Variants in CCDC192 observed in about 807,000 individuals in gnomAD.
CCDC192 encodes the protein coiled-coil domain containing 192, also known as coiled-coil domain-containing protein 192.
chr5:127,756,225 T>TGG (rs1346451478), intron 3 of CCDC192, among the ~76,000 whole-genome samples: 3 of 152,142 alleles, frequency 2.0e-5, no homozygotes, highest in Non-Finnish European at 4.4e-5. Context: ...GGGTTCACCT[T>TGG]GCCCGCTGCC....
intron 3 of CCDC192, among the ~76,000 whole-genome samples, chr5:127,758,627 T>C (rs1000494485): frequency 6.6e-6 from 1 of 152,166 alleles, no homozygotes; most frequent in Non-Finnish European, 1.5e-5. Flanking sequence ...TACTTTATTG[T>C]ATTTCCCATA....
intron 6 of CCDC192, among the ~76,000 whole-genome samples, chr5:127,883,897 T>TAA (rs1461661597): frequency 1.3e-5 from 2 of 152,138 alleles, no homozygotes; most frequent in Non-Finnish European, 2.9e-5. Flanking sequence ...CTCAGGCTGG[T>TAA]AAGGAGGCTG....
intron 6 of CCDC192, among the ~76,000 whole-genome samples, chr5:127,893,004 G>A (rs1046472058): frequency 6.6e-6 from 1 of 152,138 alleles, no homozygotes; most frequent in Non-Finnish European, 1.5e-5. Context: ...GCCAGGATCG[G>A]AGATATCTGA....
chr5:127,911,729 G>C (rs540252557), intron 6 of CCDC192, among the ~76,000 whole-genome samples: 1 of 147,394 alleles, frequency 6.8e-6, no homozygotes, highest in South Asian at 2.1e-4. Context: ...TTACAGACAG[G>C]GTGGTGTTAC....
intron 6 of CCDC192, among the ~76,000 whole-genome samples, chr5:127,892,257 AC>A (rs1222091643): frequency 6.6e-6 from 1 of 152,238 alleles, no homozygotes; most frequent in Non-Finnish European, 1.5e-5. Flanking sequence ...TAGAGACTAA[AC>A]ATCATAGAAA....
intron 6 of CCDC192, among the ~76,000 whole-genome samples, chr5:127,891,334 G>A (rs1752724796): frequency 6.6e-6 from 1 of 152,190 alleles, no homozygotes; most frequent in Admixed American, 6.5e-5. Context: ...GATTACAGGT[G>A]TGCACCACTG....
chr5:127,825,456 CT>C (rs1321963993), intron 5 of CCDC192, among the ~76,000 whole-genome samples: 1 of 152,168 alleles, frequency 6.6e-6, no homozygotes, highest in Non-Finnish European at 1.5e-5. Flanking sequence ...CATCCCAGTA[CT>C]TCAAGGACAG....
At chr5:127,784,989 C>T (rs1756456014) in intron 3 of CCDC192, 1 of 477,244 alleles carries the variant, frequency 2.1e-6, no homozygotes, top group Admixed American at 2.4e-5. Flanking sequence ...TTTCATCTTC[C>T]AAGACCAATA....
At chr5:127,783,939 A>G (rs1219309758) in intron 3 of CCDC192, among the ~76,000 whole-genome samples, 1 of 152,182 alleles carries the variant, frequency 6.6e-6, no homozygotes, top group African/African-American at 2.4e-5. Flanking sequence ...TTTGTCTCAT[A>G]TAAGAATAGC....
At chr5:127,744,698 C>T (rs139362197) in intron 2 of CCDC192, among the ~76,000 whole-genome samples, 1 of 152,316 alleles carries the variant, frequency 6.6e-6, no homozygotes, top group African/African-American at 2.4e-5. Flanking sequence ...CTTGCTGTTA[C>T]AAAAGTGTCC....
intron 5 of CCDC192, among the ~76,000 whole-genome samples, chr5:127,802,922 A>T (rs1170247981): frequency 6.6e-6 from 1 of 152,252 alleles, no homozygotes; most frequent in Non-Finnish European, 1.5e-5. Flanking sequence ...TACATCAGGC[A>T]TTAATTTAAT....
intron 5 of CCDC192, among the ~76,000 whole-genome samples, chr5:127,800,710 C>A (rs1757462673): frequency 6.6e-6 from 1 of 152,098 alleles, no homozygotes. Flanking sequence ...CTATTCGTAT[C>A]CCCCAGCCAT....
At chr5:127,738,623 C>T (rs1454857342) in intron 2 of CCDC192, among the ~76,000 whole-genome samples, 2 of 149,876 alleles carry the variant, frequency 1.3e-5, no homozygotes, top group Non-Finnish European at 3.0e-5. Context: ...GGAGGCTTTG[C>T]TCATTTCTTT....
chr5:127,835,717 G>C (rs368253959), intron 5 of CCDC192, among the ~76,000 whole-genome samples: 3 of 152,260 alleles, frequency 2.0e-5, no homozygotes, highest in East Asian at 1.9e-4. Context: ...GAAGTGAAGA[G>C]GGAAGAGTCC....
intron 2 of CCDC192, among the ~76,000 whole-genome samples, chr5:127,726,478 T>G (rs1752329200): frequency 6.6e-6 from 1 of 152,162 alleles, no homozygotes; most frequent in Non-Finnish European, 1.5e-5. Flanking sequence ...GTACACAATC[T>G]CTTCATCTCA....
intron 5 of CCDC192, 140 bp from the exon 6 acceptor site, chr5:127,875,398 G>A: frequency 2.6e-6 from 1 of 384,504 alleles, no homozygotes; most frequent in East Asian, 3.7e-5. Context: ...ACCTCAAACA[G>A]GACTCAATCT....
chr5:127,838,645 G>A (rs1750141034), intron 5 of CCDC192: 1 of 152,112 alleles, frequency 6.6e-6, no homozygotes, highest in South Asian at 2.1e-4. Flanking sequence ...GTTCTGCTAC[G>A]ATGGTTACTT....
intron 5 of CCDC192, among the ~76,000 whole-genome samples, chr5:127,857,263 TTCCAGTTG>T (rs1251316375): frequency 6.6e-6 from 1 of 152,166 alleles, no homozygotes; most frequent in African/African-American, 2.4e-5. Flanking sequence ...ATTATAGTCC[TTCCAGTTG>T]TAAGCTGAGA....
chr5:127,753,476 T>C (rs1561467725), intron 2 of CCDC192, among the ~76,000 whole-genome samples: 2 of 152,042 alleles, frequency 1.3e-5, no homozygotes, highest in African/African-American at 2.4e-5. Context: ...GGCGGGCAGA[T>C]CACGAGGTCA....
Sources: gnomAD v4.1 joint callset for allele counts (sites outside exome capture counted in the v4.1 genomes callset) on GRCh38, gnomAD v4.1.1 for gene constraint, MANE v1.5 for transcripts, NCBI Gene and HGNC (gene_info 2026-07-23, HGNC 2026-07-21) for gene names.